CYFIP1: variants seen among roughly 807,000 people sequenced by gnomAD.
The protein encoded by CYFIP1 is cytoplasmic FMR1-interacting protein 1.
A neutral mutation model predicts 163.5 loss-of-function variants in CYFIP1; 58 were observed. That is an observed-to-expected ratio of 0.35 (90% CI 0.29 to 0.44). The LOEUF (loss-of-function observed/expected upper bound fraction) is 0.44, where lower values mean the gene tolerates loss of function less well. Ranked by LOEUF, CYFIP1 falls within the 20% of genes least tolerant of loss-of-function variation. The pLI is 1.00. For missense variants in CYFIP1, 1,338 were observed against 1,653.8 expected (o/e 0.81, Z 3.31); for synonymous variants, 663 against 660.7 (o/e 1.00, Z -0.05).
At chr15:22,924,409 G>A (rs1268073252) in intron 13 of CYFIP1, among the ~76,000 whole-genome samples, 1 of 152,134 alleles carries the variant, frequency 6.6e-6, no homozygotes, top group African/African-American at 2.4e-5. Context: ...GGGTGACAGA[G>A]CAAGGCTCCA....
intron 22 of CYFIP1, among the ~76,000 whole-genome samples, chr15:22,901,705 A>G (rs2060399313): frequency 6.6e-6 from 1 of 152,262 alleles, no homozygotes; most frequent in Non-Finnish European, 1.5e-5. Context: ...GGCAACGAGC[A>G]AAGTCCTGGC....
At chr15:22,901,430 C>G (rs552591527) in intron 22 of CYFIP1, among the ~76,000 whole-genome samples, 1 of 152,328 alleles carries the variant, frequency 6.6e-6, no homozygotes, top group South Asian at 2.1e-4. Flanking sequence ...CACCTCACCC[C>G]AGGGACAGAA....
chr15:22,869,242 T>G lies in CYFIP1; in HGVS notation c.*786A>C, dbSNP rs892750305. 6.6e-6 allele frequency: 1 copy of G among 152,142 alleles called. No homozygotes were observed. Among genetic ancestry groups the G allele is most frequent in the African/African-American group, 2.4e-5 (1 of 41,388 alleles). The allele number at this position is 152,142 out of a possible 1,614,324, so 9.4% of individuals were successfully genotyped here. A position where few individuals can be genotyped will look rare whatever the true frequency, so the allele number is the denominator to read the frequency against. On this transcript the variant is annotated 3_prime_UTR_variant, in exon 31 of 31. Coordinates refer to ENST00000617928, the MANE Select transcript of CYFIP1 (RefSeq NM_014608.6). ...CTGAGTAGCCTCTTCATATCCAGAT[T>G]GGAGCAGCCAACACGGCCGTTTTAC...
chr15:22,925,835 ACT>A (rs1391454047), intron 13 of CYFIP1, 145 bp downstream of exon 13: 9 of 1,214,692 alleles, frequency 7.4e-6, no homozygotes, highest in Non-Finnish European at 1.0e-5. Context: ...AATGCGTTCT[ACT>A]CTGACTACTC....
chr15:22,897,479 T>G (rs1274571462), intron 22 of CYFIP1, among the ~76,000 whole-genome samples: 3 of 106,792 alleles, frequency 2.8e-5, no homozygotes, highest in Admixed American at 2.0e-4. Flanking sequence ...AACAGGGTTG[T>G]TTTTTTTTTT....
chr15:22,905,800 C>A (rs563891331), intron 21 of CYFIP1, among the ~76,000 whole-genome samples: 6 of 151,668 alleles, frequency 4.0e-5, no homozygotes, highest in Admixed American at 3.3e-4. Flanking sequence ...CGCTCTGTCA[C>A]CCAGGCTGTA....
chr15:22,926,235 CAT>C (rs2061353272), intron 12 of CYFIP1, 128 bp from the exon 13 acceptor site: 12 of 1,342,302 alleles, frequency 8.9e-6, no homozygotes, highest in South Asian at 1.3e-5. Flanking sequence ...GAAAGTCACA[CAT>C]GAGGGCGCAC....
At chr15:22,875,379 T>C in intron 26 of CYFIP1, 108 bp from the exon 27 acceptor site, 1 of 906,598 alleles carries the variant, frequency 1.1e-6, no homozygotes, top group African/African-American at 1.6e-5. Flanking sequence ...ATAAACTCTG[T>C]AAGTTTATTT....
chr15:22,913,919 T>C (rs930636636), intron 17 of CYFIP1, among the ~76,000 whole-genome samples: 4 of 152,106 alleles, frequency 2.6e-5, no homozygotes, highest in African/African-American at 4.8e-5. Context: ...AAGGGATGTG[T>C]GAGGACTGAC....
At position 22,886,373 on chromosome 15, in the gene CYFIP1, TA is replaced by T. The variant is rs200306809; in HGVS notation, c.2677-3363del. On this transcript the variant is annotated intron_variant, in intron 23 of 30. Transcript: ENST00000617928. ...CCCCTACTGTGAGTATTCAGTGCTA[TA>T]AATTTCCCTCTCAGCACTTTAGCTG... Among the ~76,000 whole-genome samples the T allele has an allele frequency of 3.7e-4, 56 of 152,318 alleles. No homozygotes were observed. In the East Asian group the frequency reaches 7.9e-3, roughly 21 times the overall value.
intron 26 of CYFIP1, among the ~76,000 whole-genome samples, chr15:22,878,908 G>A (rs1212781297): frequency 5.9e-5 from 9 of 152,106 alleles, no homozygotes; most frequent in Non-Finnish European, 1.0e-4. Flanking sequence ...AGACCAAGGC[G>A]GGTGGATCAC....
intron 21 of CYFIP1, among the ~76,000 whole-genome samples, chr15:22,906,520 C>G (rs796957963): frequency 7.1e-6 from 1 of 140,656 alleles, no homozygotes; most frequent in Non-Finnish European, 1.5e-5. Context: ...GGCTGGAGTG[C>G]AGTGGCACAA....
At chr15:22,909,717 A>G (rs1364522586) in intron 20 of CYFIP1, among the ~76,000 whole-genome samples, 2 of 151,914 alleles carry the variant, frequency 1.3e-5, no homozygotes, top group Non-Finnish European at 2.9e-5. Flanking sequence ...ATCACTTTTA[A>G]TTTTTAATTT....
Position 22,936,808 on chromosome 15 carries a change from C to T in CYFIP1, c.900+296G>A, listed in dbSNP as rs541158169. On this transcript the variant is annotated intron_variant, in intron 9 of 30. Transcript: ENST00000617928. ...AACCGAAAGCTACAAGCTGTAGCTA[C>T]GGGCTTCCTCCAGGATGCACCTCAC... Among the ~76,000 whole-genome samples, 9 of 152,312 alleles carry T rather than the reference C, an allele frequency of 5.9e-5. No individual in the cohort carries two copies. In the South Asian group the frequency reaches 1.5e-3, roughly 25 times the overall value.
intron 1 of CYFIP1, among the ~76,000 whole-genome samples, chr15:22,976,127 A>G (rs1298671552): frequency 6.6e-6 from 1 of 152,060 alleles, no homozygotes; most frequent in African/African-American, 2.4e-5. Context: ...ATTCCTTTGA[A>G]GCAAACGAAA....
chr15:22,909,626 T>C (rs1373151220), intron 20 of CYFIP1, among the ~76,000 whole-genome samples: 1 of 152,214 alleles, frequency 6.6e-6, no homozygotes, highest in African/African-American at 2.4e-5. Context: ...TGATGATTAT[T>C]CGTGTATAGA....
chr15:22,907,476 T>A (rs919643949), intron 21 of CYFIP1, among the ~76,000 whole-genome samples: 2 of 152,228 alleles, frequency 1.3e-5, no homozygotes, highest in East Asian at 3.8e-4. Flanking sequence ...CCAGCCTAAC[T>A]TGAATCATCA....
intron 21 of CYFIP1, chr15:22,904,800 C>T (rs1408473523): frequency 6.6e-6 from 1 of 152,164 alleles, no homozygotes; most frequent in Non-Finnish European, 1.5e-5. Context: ...ACAGGTCTGT[C>T]TCTGAGTCCC....
intron 13 of CYFIP1, among the ~76,000 whole-genome samples, chr15:22,920,159 CT>C (rs71117470): frequency 0.27 from 19,950 of 74,614 alleles, 521 homozygotes; most frequent in East Asian, 0.33. Flanking sequence ...ATTAAGGCAG[CT>C]TTTTTTTTTT....
Sources: gnomAD v4.1 joint callset for allele counts (sites outside exome capture counted in the v4.1 genomes callset) on GRCh38, gnomAD v4.1.1 for gene constraint, MANE v1.5 for transcripts, NCBI Gene and HGNC (gene_info 2026-07-23, HGNC 2026-07-21) for gene names.